DPP10: variants seen among roughly 807,000 people sequenced by gnomAD.
DPP10 encodes inactive dipeptidyl peptidase 10.
Under a neutral mutation model 120.9 loss-of-function variants are expected in DPP10, and 33 were observed. The ratio of observed to expected loss-of-function variants is 0.27; its 90% CI spans 0.21 to 0.37. The LOEUF (loss-of-function observed/expected upper bound fraction) is 0.37. DPP10 is among the 10% of genes least tolerant of loss of function. The pLI is 1.00. For synonymous variants in DPP10, 337 were observed against 326.1 expected (o/e 1.03, Z -0.36); for missense variants, 816 against 942.8 (o/e 0.87, Z 1.76).
At chr2:115,653,320 T>TA (rs2149384210) in intron 5 of DPP10, among the ~76,000 whole-genome samples, 1 of 152,108 alleles carries the variant, frequency 6.6e-6, no homozygotes, top group South Asian at 2.1e-4. Flanking sequence ...AAATTATTCT[T>TA]AGAGTAATAA....
At chr2:115,129,491 G>A (rs2050234356) in intron 1 of DPP10, among the ~76,000 whole-genome samples, 1 of 152,098 alleles carries the variant, frequency 6.6e-6, no homozygotes, top group South Asian at 2.1e-4. Context: ...AGTTTCCAGA[G>A]AGCCTTGTTC....
chr2:114,937,931 C>G (rs1696605714), intron 1 of DPP10, among the ~76,000 whole-genome samples: 2 of 152,200 alleles, frequency 1.3e-5, no homozygotes, highest in African/African-American at 2.4e-5. Flanking sequence ...AGTACAAAGT[C>G]TCTTCATGTA....
intron 2 of DPP10, among the ~76,000 whole-genome samples, chr2:115,341,492 T>C (rs987273893): frequency 1.1e-4 from 16 of 152,158 alleles, no homozygotes; most frequent in African/African-American, 3.1e-4. Context: ...TGGATTCACT[T>C]TCCAGTGGAT....
intron 13 of DPP10, 67 bp from the exon 14 acceptor site, chr2:115,777,141 C>CA: frequency 7.1e-7 from 1 of 1,403,458 alleles, no homozygotes. Context: ...GCAGTTGGTA[C>CA]ATTCGTGTTT....
At chr2:115,396,510 C>A (rs2067689947) in intron 3 of DPP10, among the ~76,000 whole-genome samples, 1 of 152,206 alleles carries the variant, frequency 6.6e-6, no homozygotes, top group African/African-American at 2.4e-5. Context: ...AATGGAAATT[C>A]TGTAATCTGG....
chr2:114,496,976 G>A (rs1682574729), intron 1 of DPP10, among the ~76,000 whole-genome samples: 1 of 151,274 alleles, frequency 6.6e-6, no homozygotes, highest in Non-Finnish European at 1.5e-5. Context: ...GGACCTTGGA[G>A]ACCCTCTCAC....
chr2:114,796,536 G>A (rs570819716), intron 1 of DPP10, among the ~76,000 whole-genome samples: 1 of 152,024 alleles, frequency 6.6e-6, no homozygotes, highest in African/African-American at 2.4e-5. Context: ...AAGGCTTTTG[G>A]TCAACAGTAT....
intron 2 of DPP10, among the ~76,000 whole-genome samples, chr2:115,339,622 A>G (rs530412726): frequency 6.6e-6 from 1 of 152,302 alleles, no homozygotes; most frequent in Admixed American, 6.5e-5. Flanking sequence ...AATATTACTC[A>G]GCCATCAAAA....
chr2:114,697,388 T>C (rs1700128186), intron 1 of DPP10, among the ~76,000 whole-genome samples: 1 of 151,968 alleles, frequency 6.6e-6, no homozygotes, highest in African/African-American at 2.4e-5. Context: ...TCTAAGTTAG[T>C]AAATTCATGG....
At chr2:114,743,639 A>G (rs916221695) in intron 1 of DPP10, among the ~76,000 whole-genome samples, 14 of 152,182 alleles carry the variant, frequency 9.2e-5, no homozygotes, top group African/African-American at 3.4e-4. Context: ...GCTGCAGCCC[A>G]CTGATTGTGT....
At chr2:114,691,011 A>G (rs1165511473) in intron 1 of DPP10, among the ~76,000 whole-genome samples, 1 of 152,012 alleles carries the variant, frequency 6.6e-6, no homozygotes, top group Non-Finnish European at 1.5e-5. Context: ...TGTCATCTTT[A>G]AATAAAGATA....
chr2:115,244,846 C>A (rs6713297), intron 1 of DPP10, among the ~76,000 whole-genome samples: 1 of 143,522 alleles, frequency 7.0e-6, no homozygotes, highest in African/African-American at 2.5e-5. Context: ...TATATATATA[C>A]ATATATATAT....
intron 1 of DPP10, among the ~76,000 whole-genome samples, chr2:115,191,867 G>T (rs1334519376): frequency 6.6e-6 from 1 of 152,190 alleles, no homozygotes; most frequent in African/African-American, 2.4e-5. Context: ...TGAGGGAAGA[G>T]AAAGTGGAAG....
At chr2:114,712,390 A>G (rs1160479255) in intron 1 of DPP10, among the ~76,000 whole-genome samples, 1 of 152,196 alleles carries the variant, frequency 6.6e-6, no homozygotes, top group Admixed American at 6.5e-5. Context: ...GAAATCCATA[A>G]AGCTGATATT....
intron 5 of DPP10, among the ~76,000 whole-genome samples, chr2:115,679,953 A>G (rs1236773301): frequency 6.6e-6 from 1 of 152,038 alleles, no homozygotes; most frequent in Non-Finnish European, 1.5e-5. Context: ...ATAGTTAACA[A>G]TAATTTAATA....
intron 1 of DPP10, among the ~76,000 whole-genome samples, chr2:114,864,124 T>TCGA (rs1690037307): frequency 6.6e-6 from 1 of 152,240 alleles, no homozygotes; most frequent in Non-Finnish European, 1.5e-5. Flanking sequence ...AACAGAAATG[T>TCGA]CGAATACAGA....
intron 1 of DPP10, among the ~76,000 whole-genome samples, chr2:114,555,280 T>G (rs1688198727): frequency 6.6e-6 from 1 of 152,144 alleles, no homozygotes; most frequent in Admixed American, 6.5e-5. Context: ...TTGGTTAGAC[T>G]GAAAGTGTCT....
At chr2:115,077,024 G>A (rs777217787) in intron 1 of DPP10, among the ~76,000 whole-genome samples, 11 of 151,814 alleles carry the variant, frequency 7.2e-5, no homozygotes, top group Non-Finnish European at 1.5e-4. Flanking sequence ...TTTTTTGTAT[G>A]TGTGCCTGAA....
At chr2:114,788,865 C>T (rs1682999091) in intron 1 of DPP10, among the ~76,000 whole-genome samples, 1 of 152,102 alleles carries the variant, frequency 6.6e-6, no homozygotes, top group South Asian at 2.1e-4. Context: ...TAACGGCATC[C>T]TCTCACATGC....
Sources: gnomAD v4.1 joint callset for allele counts (sites outside exome capture counted in the v4.1 genomes callset) on GRCh38, gnomAD v4.1.1 for gene constraint, MANE v1.5 for transcripts, NCBI Gene and HGNC (gene_info 2026-07-23, HGNC 2026-07-21) for gene names.